CREB5: variants seen among roughly 807,000 people sequenced by gnomAD.
CREB5 encodes the protein cAMP responsive element binding protein 5.
Under a neutral mutation model 57.1 loss-of-function variants are expected in CREB5, and 19 were observed. The observed-to-expected ratio is 0.33, with a 90% CI of 0.23 to 0.49. The LOEUF is 0.49. CREB5 is among the 20% of genes least tolerant of loss of function. CREB5 has a pLI of 0.99. For missense variants in CREB5, 579 were observed against 671.6 expected (o/e 0.86, Z 1.52); for synonymous variants, 238 against 238.3 (o/e 1.00, Z 0.01).
chr7:28,601,247 G>A (rs939533590), intron 5 of CREB5, among the ~76,000 whole-genome samples: 1 of 151,952 alleles, frequency 6.6e-6, no homozygotes, highest in Non-Finnish European at 1.5e-5. Context: ...TGGTGGAAAA[G>A]GGGATTTGTT....
intron 1 of CREB5, among the ~76,000 whole-genome samples, chr7:28,341,881 G>A (rs568985676): frequency 9.2e-5 from 14 of 152,282 alleles, no homozygotes; most frequent in African/African-American, 3.1e-4. Flanking sequence ...TTGAAAGTCA[G>A]CAGTGAGGGC....
chr7:28,342,132 G>T lies in CREB5; in HGVS notation c.-25+42691G>T, dbSNP rs147839913. Among the ~76,000 whole-genome samples, 16 of 152,308 alleles carry T rather than the reference G, an allele frequency of 1.1e-4. 1 individual carries two copies. The East Asian group carries it at 3.1e-3, about 29-fold the overall frequency. ...CTGTGTTGGAAGCAGAGAATGTCCT[G>T]TCCCCCTCTGCTCTTCTCCATCTAT... On this transcript the variant is annotated intron_variant, in intron 1 of 9. Transcript: ENST00000396299.
chr7:28,391,562 A>G (rs1787216371), intron 1 of CREB5, among the ~76,000 whole-genome samples: 1 of 152,218 alleles, frequency 6.6e-6, no homozygotes, highest in South Asian at 2.1e-4. Context: ...CTGTGCCACC[A>G]CAAACTTTGC....
At chr7:28,704,101 C>T (rs1185488746) in intron 5 of CREB5, among the ~76,000 whole-genome samples, 4 of 152,216 alleles carry the variant, frequency 2.6e-5, no homozygotes, top group African/African-American at 9.6e-5. Context: ...ATGGCTCCAA[C>T]ACTGAAAAGA....
chr7:28,314,683 A>G (rs984162032), intron 1 of CREB5, among the ~76,000 whole-genome samples: 1 of 152,210 alleles, frequency 6.6e-6, no homozygotes, highest in Non-Finnish European at 1.5e-5. Flanking sequence ...CACTACCCCA[A>G]GGGAAAGAAA....
chr7:28,316,406 G>A (rs73082438), intron 1 of CREB5, among the ~76,000 whole-genome samples: 9,633 of 152,204 alleles, frequency 0.063, 389 homozygotes, highest in Middle Eastern at 0.11. Flanking sequence ...AAAAAAGGAT[G>A]TGTCAGTAAT....
chr7:28,563,902 T>C (rs1795378302), intron 4 of CREB5, among the ~76,000 whole-genome samples: 2 of 152,110 alleles, frequency 1.3e-5, no homozygotes, highest in South Asian at 4.1e-4. Context: ...CTCTACTCCA[T>C]GTGTCCTCTG....
chr7:28,504,673 T>C (rs2128605047), intron 3 of CREB5, among the ~76,000 whole-genome samples: 1 of 152,284 alleles, frequency 6.6e-6, no homozygotes, highest in African/African-American at 2.4e-5. Context: ...GAAGTGGCGC[T>C]GCATAAACAC....
intron 1 of CREB5, among the ~76,000 whole-genome samples, chr7:28,427,528 A>G (rs955787650): frequency 1.3e-5 from 2 of 152,078 alleles, no homozygotes; most frequent in Admixed American, 1.3e-4. Context: ...GGTTGAGCTT[A>G]GGCACAATTG....
chr7:28,489,826 A>G (rs1791722406), intron 2 of CREB5, among the ~76,000 whole-genome samples: 1 of 152,176 alleles, frequency 6.6e-6, no homozygotes, highest in South Asian at 2.1e-4. Flanking sequence ...TTTGAAGCAA[A>G]CTGGTTTGGA....
chr7:28,327,216 G>A (rs1395700297), intron 1 of CREB5, among the ~76,000 whole-genome samples: 1 of 151,916 alleles, frequency 6.6e-6, no homozygotes, highest in Admixed American at 6.6e-5. Context: ...CTGGAATGTG[G>A]AGTAGGCACA....
At chr7:28,602,368 C>T (rs979056576) in intron 5 of CREB5, among the ~76,000 whole-genome samples, 2 of 152,194 alleles carry the variant, frequency 1.3e-5, no homozygotes, top group Admixed American at 1.3e-4. Flanking sequence ...CTCAGGTGAT[C>T]TGTCCACCTC....
At chr7:28,460,834 G>A (rs1342561339) in intron 1 of CREB5, among the ~76,000 whole-genome samples, 1 of 151,954 alleles carries the variant, frequency 6.6e-6, no homozygotes, top group Non-Finnish European at 1.5e-5. Context: ...GGAAGTGAGA[G>A]GGGAGAAAAG....
chr7:28,638,105 A>G (rs41488846), intron 5 of CREB5, among the ~76,000 whole-genome samples: 30,882 of 152,008 alleles, frequency 0.2, 3,619 homozygotes, highest in East Asian at 0.39. Context: ...GATTTTTCCA[A>G]TGTTTATCAA....
At chr7:28,554,978 A>G (rs1056245594) in intron 4 of CREB5, among the ~76,000 whole-genome samples, 2 of 152,124 alleles carry the variant, frequency 1.3e-5, no homozygotes, top group South Asian at 2.1e-4. Flanking sequence ...AATTAAGATA[A>G]AAGACCATAA....
intron 5 of CREB5, among the ~76,000 whole-genome samples, chr7:28,676,518 G>A (rs187134397): frequency 6.6e-6 from 1 of 152,184 alleles, no homozygotes; most frequent in East Asian, 1.9e-4. Flanking sequence ...CGTGTTTTTG[G>A]GTCTGTGGAT....
intron 3 of CREB5, among the ~76,000 whole-genome samples, chr7:28,500,905 C>A (rs534111224): frequency 3.1e-4 from 47 of 152,124 alleles, no homozygotes; most frequent in African/African-American, 1.1e-3. Flanking sequence ...TAGTAACTTC[C>A]CACCGTGTGT....
chr7:28,437,114 ACAGAGATGAG>A (rs1321079668), intron 1 of CREB5, among the ~76,000 whole-genome samples: 2 of 152,174 alleles, frequency 1.3e-5, no homozygotes, highest in Non-Finnish European at 2.9e-5. Context: ...ACCGGCAGTG[ACAGAGATGAG>A]CACCTGTTAA....
At position 28,809,255 on chromosome 7, in the gene CREB5, C is replaced by T; in HGVS notation, c.1095C>T (p.Arg365=). 6.2e-7 allele frequency: 1 copy of T among 1,614,158 alleles called. No individual in the cohort carries two copies. Among genetic ancestry groups the T allele is most frequent in the Non-Finnish European group, 8.5e-7 (1 of 1,180,034 alleles). The change falls in exon 9 of 11, where the codon CGC becomes CGT. Residue 365 remains arginine, a synonymous_variant. Coordinates refer to ENST00000357727, the MANE Select transcript of CREB5 (RefSeq NM_182898.4). ...AGCCACCCCAGCCCACAGGGGGGCG[C>T]CGGCGAAGGGTGGTAGACGAGGATC... ...TIQPPQPTGG[R]RRRVVDEDPD... is the part of the protein sequence containing the mutation.
Sources: allele counts gnomAD v4.1 joint callset (sites outside exome capture counted in the v4.1 genomes callset), GRCh38; gene constraint gnomAD v4.1.1; transcripts MANE v1.5; gene names NCBI Gene and HGNC (gene_info 2026-07-23, HGNC 2026-07-21).